Variants in AFF3 observed in about 807,000 individuals in gnomAD.
AFF3 encodes ALF transcription elongation factor 3.
In AFF3, 32 loss-of-function variants were observed where a neutral mutation model predicts 129.7. The observed-to-expected ratio is 0.25, with a 90% CI of 0.19 to 0.33. AFF3 has a LOEUF of 0.33. AFF3 is among the 10% of genes least tolerant of loss of function. AFF3 has a pLI of 1.00. For synonymous variants in AFF3, 644 were observed against 635.4 expected (o/e 1.01, Z -0.20); for missense variants, 1,373 against 1,592.0 (o/e 0.86, Z 2.34).
chr2:100,022,293 C>A (rs1222253301), intron 4 of AFF3, among the ~76,000 whole-genome samples: 1 of 152,186 alleles, frequency 6.6e-6, no homozygotes, highest in Non-Finnish European at 1.5e-5. Flanking sequence ...GCTGCCTAAG[C>A]ATGATAATTA....
chr2:99,788,298 A>G (rs1426844616), intron 8 of AFF3, among the ~76,000 whole-genome samples: 1 of 152,134 alleles, frequency 6.6e-6, no homozygotes, highest in Admixed American at 6.5e-5. Context: ...TATCCAGAAG[A>G]AGGCACTGCT....
chr2:99,951,892 T>C (rs1232405472), intron 7 of AFF3, among the ~76,000 whole-genome samples: 3 of 152,204 alleles, frequency 2.0e-5, no homozygotes, highest in Admixed American at 2.0e-4. Context: ...GTGATCCGCC[T>C]GCCTTGGCCT....
chr2:99,771,434 G>A (rs1240300678), intron 8 of AFF3, among the ~76,000 whole-genome samples: 6 of 150,578 alleles, frequency 4.0e-5, no homozygotes, highest in Non-Finnish European at 7.4e-5. Flanking sequence ...AAAAACCAGA[G>A]CAATTCACAC....
chr2:99,594,559 C>T (rs1679098208), intron 14 of AFF3, among the ~76,000 whole-genome samples: 1 of 152,128 alleles, frequency 6.6e-6, no homozygotes, highest in Admixed American at 6.5e-5. Flanking sequence ...CATTGTGTCT[C>T]ATTAGAACCC....
intron 4 of AFF3, among the ~76,000 whole-genome samples, chr2:100,022,745 A>C (rs925677375): frequency 6.6e-6 from 1 of 152,110 alleles, no homozygotes; most frequent in African/African-American, 2.4e-5. Flanking sequence ...ATACACCCAC[A>C]TACAACACAG....
At chr2:100,084,473 A>G (rs537594079) in intron 4 of AFF3, among the ~76,000 whole-genome samples, 1 of 152,374 alleles carries the variant, frequency 6.6e-6, no homozygotes, top group East Asian at 1.9e-4. Context: ...GTTCTTAATC[A>G]TTACAGTTCC....
Position 99,915,354 on chromosome 2 carries a change from A to T in AFF3, c.874-77830T>A, listed in dbSNP as rs142968607. Among the ~76,000 whole-genome samples, 403 of 152,310 alleles carry T rather than the reference A, an allele frequency of 2.6e-3. 6 individuals carry two copies. Among genetic ancestry groups the T allele is most frequent in the African/African-American group, 9.3e-3 (385 of 41,568 alleles). Reference sequence around the variant, plus strand: ...GTACCATTTACGTAATTTAAGACACATACAGGAAACATCACTACACGTTAT... The same window carrying T: ...GTACCATTTACGTAATTTAAGACACTTACAGGAAACATCACTACACGTTAT... On this transcript the variant is annotated intron_variant, in intron 7 of 24. Coordinates refer to ENST00000672756, the MANE Select transcript of AFF3 (RefSeq NM_001386135.1).
At chr2:99,564,676 A>G (rs187586934) in intron 20 of AFF3, among the ~76,000 whole-genome samples, 1 of 152,350 alleles carries the variant, frequency 6.6e-6, no homozygotes, top group East Asian at 1.9e-4. Flanking sequence ...ACATCCTAAG[A>G]TGATTAGAAA....
At chr2:99,779,632 G>A (rs965415336) in intron 8 of AFF3, among the ~76,000 whole-genome samples, 3 of 152,080 alleles carry the variant, frequency 2.0e-5, no homozygotes, top group Admixed American at 6.6e-5. Context: ...CACCCGAAGC[G>A]TAAACACTGT....
chr2:99,863,975 C>G (rs1377756235), intron 7 of AFF3, among the ~76,000 whole-genome samples: 2 of 152,186 alleles, frequency 1.3e-5, no homozygotes, highest in Non-Finnish European at 2.9e-5. Context: ...CAGACATAAC[C>G]ATCTACTTGG....
At chr2:99,950,614 C>T (rs887053219) in intron 7 of AFF3, among the ~76,000 whole-genome samples, 2 of 152,084 alleles carry the variant, frequency 1.3e-5, no homozygotes, top group Non-Finnish European at 2.9e-5. Flanking sequence ...TTGTCATATC[C>T]ATGAAATCAT....
chr2:99,617,474 A>T (rs1198845966), intron 13 of AFF3, among the ~76,000 whole-genome samples: 3 of 152,196 alleles, frequency 2.0e-5, no homozygotes, highest in African/African-American at 7.2e-5. Context: ...TGTGTATTCA[A>T]ATCCTTTGGC....
chr2:99,814,775 G>A (rs1488603694), intron 8 of AFF3, among the ~76,000 whole-genome samples: 2 of 129,870 alleles, frequency 1.5e-5, no homozygotes, highest in Middle Eastern at 3.5e-3. Flanking sequence ...ACAGCCCAAA[G>A]AAGGCCCAAG....
intron 7 of AFF3, among the ~76,000 whole-genome samples, chr2:99,895,950 T>C (rs1455951058): frequency 2.2e-4 from 33 of 151,170 alleles, no homozygotes; most frequent in African/African-American, 8.0e-4. Context: ...ACGCCTGTAG[T>C]CCCAGCTACT....
At chr2:100,016,354 ATGG>A (rs1309862726) in intron 4 of AFF3, among the ~76,000 whole-genome samples, 4 of 134,560 alleles carry the variant, frequency 3.0e-5, no homozygotes, top group South Asian at 2.6e-4. Context: ...AGTGATGGTG[ATGG>A]TGGTAGTGAT....
At chr2:100,018,049 C>T (rs1310394360) in intron 4 of AFF3, among the ~76,000 whole-genome samples, 2 of 140,380 alleles carry the variant, frequency 1.4e-5, no homozygotes, top group African/African-American at 2.7e-5. Context: ...TATATATAGG[C>T]TAATTTTAAG....
At chr2:99,677,444 G>A (rs1336401154) in intron 11 of AFF3, among the ~76,000 whole-genome samples, 1 of 152,148 alleles carries the variant, frequency 6.6e-6, no homozygotes, top group Admixed American at 6.5e-5. Flanking sequence ...AAGGACAGAA[G>A]CAAGATTTTT....
chr2:99,567,129 G>A (rs1194089282), intron 19 of AFF3, among the ~76,000 whole-genome samples: 1 of 137,560 alleles, frequency 7.3e-6, no homozygotes, highest in South Asian at 2.2e-4. Flanking sequence ...CACCACACCT[G>A]GCTCATTTTT....
chr2:99,892,782 G>A (rs1693669794), intron 7 of AFF3, among the ~76,000 whole-genome samples: 1 of 152,194 alleles, frequency 6.6e-6, no homozygotes, highest in African/African-American at 2.4e-5. Context: ...AGCACTGCAG[G>A]CCCTGACTGC....
Sources: gnomAD v4.1 joint callset for allele counts (sites outside exome capture counted in the v4.1 genomes callset) on GRCh38, gnomAD v4.1.1 for gene constraint, MANE v1.5 for transcripts, NCBI Gene and HGNC (gene_info 2026-07-23, HGNC 2026-07-21) for gene names.